Variants in KAZN observed in about 807,000 individuals in gnomAD.
KAZN encodes kazrin, periplakin interacting protein.
Under a neutral mutation model 87.4 loss-of-function variants are expected in KAZN, and 40 were observed. The observed-to-expected ratio is 0.46, with a 90% CI of 0.36 to 0.60. KAZN has a LOEUF of 0.60. KAZN is among the 20% of genes least tolerant of loss of function. KAZN has a pLI of 0.00. For synonymous variants in KAZN, 466 were observed against 458.3 expected, an observed-to-expected ratio of 1.02 and a Z score of -0.22; for missense variants, 898 against 1,073.9, an observed-to-expected ratio of 0.84 and a Z score of 2.29.
intron 2 of KAZN, among the ~76,000 whole-genome samples, chr1:14,525,899 TG>T (rs776906766): frequency 2.0e-5 from 3 of 152,242 alleles, no homozygotes; most frequent in Non-Finnish European, 4.4e-5. Flanking sequence ...GCTAAGAAGC[TG>T]AATACCTGGG....
chr1:14,365,640 T>G (rs571190773), intron 2 of KAZN, among the ~76,000 whole-genome samples: 1 of 152,242 alleles, frequency 6.6e-6, no homozygotes, highest in African/African-American at 2.4e-5. Flanking sequence ...TGCAGGATGT[T>G]TAGCAGCGTC....
At chr1:14,143,341 C>G (rs996386099) in intron 1 of KAZN, among the ~76,000 whole-genome samples, 2 of 152,168 alleles carry the variant, frequency 1.3e-5, no homozygotes, top group Non-Finnish European at 2.9e-5. Context: ...CCCCACTATT[C>G]CACTGCTCCC....
At chr1:13,980,709 A>AC (rs1638619146) in intron 1 of KAZN, among the ~76,000 whole-genome samples, 1 of 152,162 alleles carries the variant, frequency 6.6e-6, no homozygotes, top group Non-Finnish European at 1.5e-5. Flanking sequence ...TAATCGATAC[A>AC]CCAAGCAGAC....
chr1:14,214,241 C>CTTTA (rs148821809), intron 2 of KAZN, among the ~76,000 whole-genome samples: 10 of 151,934 alleles, frequency 6.6e-5, no homozygotes, highest in South Asian at 2.1e-4. Flanking sequence ...CTCCGGCTTT[C>CTTTA]TTTGGAGTGT....
At chr1:14,410,270 A>G (rs1664201237) in intron 2 of KAZN, among the ~76,000 whole-genome samples, 1 of 152,110 alleles carries the variant, frequency 6.6e-6, no homozygotes, top group African/African-American at 2.4e-5. Flanking sequence ...TGCCCAGCTA[A>G]TCTTTGTATT....
At chr1:14,917,132 G>T (rs1014272507) in intron 1 of KAZN, among the ~76,000 whole-genome samples, 2 of 152,148 alleles carry the variant, frequency 1.3e-5, no homozygotes, top group African/African-American at 4.8e-5. Context: ...CCATCAAAGG[G>T]TATCAGTGAG....
intron 1 of KAZN, among the ~76,000 whole-genome samples, chr1:14,914,463 A>G (rs1388515210): frequency 6.6e-6 from 1 of 152,226 alleles, no homozygotes; most frequent in Non-Finnish European, 1.5e-5. Context: ...AGGCACGACT[A>G]CACAGGGGCT....
intron 2 of KAZN, among the ~76,000 whole-genome samples, chr1:14,453,300 A>G (rs1441799535): frequency 2.6e-5 from 4 of 152,138 alleles, no homozygotes; most frequent in African/African-American, 7.2e-5. Context: ...CCCATTTTTG[A>G]TAGCAACATG....
intron 7 of KAZN, among the ~76,000 whole-genome samples, chr1:15,065,208 A>G (rs908702804): frequency 1.3e-5 from 2 of 151,716 alleles, no homozygotes; most frequent in Non-Finnish European, 2.9e-5. Context: ...TTGTATTTTT[A>G]GTAGAGACAG....
rs186597260 is a variant in KAZN at position 14,644,366 on chromosome 1, T to C, written c.226+45143T>C. The stretch of plus-strand genomic sequence containing the variant: ...TCTCTTGTAAATTTGTTTTTTTTTT[T>C]TTCTTCTTTTTTTGAGACTGAGTCT... On this transcript the variant is annotated intron_variant, in intron 1 of 14. Coordinates refer to ENST00000376030, the MANE Select transcript of KAZN (RefSeq NM_201628.3). Among the ~76,000 whole-genome samples the C allele has an allele frequency of 1.1e-3, 165 of 151,604 alleles. 1 individual carries two copies. Among genetic ancestry groups the C allele is most frequent in the Middle Eastern group, 3.4e-3 (1 of 292 alleles).
At chr1:14,714,067 A>T (rs1642646474) in intron 1 of KAZN, among the ~76,000 whole-genome samples, 1 of 152,154 alleles carries the variant, frequency 6.6e-6, no homozygotes, top group South Asian at 2.1e-4. Context: ...CATTTTTACT[A>T]ATTTTTTCCT....
At chr1:14,944,479 T>C (rs891522564) in intron 1 of KAZN, among the ~76,000 whole-genome samples, 6 of 152,004 alleles carry the variant, frequency 3.9e-5, no homozygotes, top group African/African-American at 9.7e-5. Flanking sequence ...CATTCTGGAA[T>C]TGCAGGTCTC....
intron 1 of KAZN, among the ~76,000 whole-genome samples, chr1:14,876,440 G>C (rs1652778765): frequency 6.6e-6 from 1 of 152,180 alleles, no homozygotes; most frequent in African/African-American, 2.4e-5. Flanking sequence ...TGCTTGGGAG[G>C]ACACACCTTG....
chr1:14,862,569 C>T (rs1650988256), intron 1 of KAZN, among the ~76,000 whole-genome samples: 2 of 152,048 alleles, frequency 1.3e-5, no homozygotes, highest in Non-Finnish European at 2.9e-5. Context: ...CTGACAGCAG[C>T]GAAAATCAGC....
chr1:14,689,351 C>G (rs1278996963), intron 1 of KAZN, among the ~76,000 whole-genome samples: 1 of 152,200 alleles, frequency 6.6e-6, no homozygotes, highest in Non-Finnish European at 1.5e-5. Flanking sequence ...CAAGTGATGA[C>G]TAACAAAGGG....
At chr1:14,921,015 C>A (rs916159471) in intron 1 of KAZN, among the ~76,000 whole-genome samples, 1 of 152,128 alleles carries the variant, frequency 6.6e-6, no homozygotes, top group Admixed American at 6.5e-5. Flanking sequence ...TGGCCACAGA[C>A]TTGCCAGCTA....
chr1:15,103,375 G>C lies in KAZN; in HGVS notation c.1796G>C (p.Arg599Pro). Residue 599 changes from arginine (R) to proline (P), a missense_variant, in exon 12 of 15, where the codon CGG becomes CCG. Transcript: ENST00000376030. ...CCCCACAAGGCCCTCCAGGAGCGCC[G>C]GGCCCGCTGCGAGACGCAGAACATT... ...NFSREALQER[R>P]ARCETQNIDP... is the part of the protein sequence containing the mutation. 5 of 1,551,676 alleles carry C rather than the reference G, an allele frequency of 3.2e-6. No individual in the cohort carries two copies. Among genetic ancestry groups the C allele is most frequent in the Non-Finnish European group, 4.4e-6 (5 of 1,147,046 alleles).
chr1:14,351,807 G>T (rs1489052328), intron 2 of KAZN, among the ~76,000 whole-genome samples: 1 of 152,178 alleles, frequency 6.6e-6, no homozygotes, highest in Non-Finnish European at 1.5e-5. Flanking sequence ...TTGTTGATCT[G>T]TGTACATCTT....
chr1:14,442,773 G>A (rs1344294928), intron 2 of KAZN, among the ~76,000 whole-genome samples: 1 of 152,156 alleles, frequency 6.6e-6, no homozygotes, highest in African/African-American at 2.4e-5. Flanking sequence ...GATTTCATAA[G>A]TGTCAGTACC....
Sources: gnomAD v4.1 joint callset for allele counts (sites outside exome capture counted in the v4.1 genomes callset) on GRCh38, gnomAD v4.1.1 for gene constraint, MANE v1.5 for transcripts, NCBI Gene and HGNC (gene_info 2026-07-23, HGNC 2026-07-21) for gene names.